Variants in ARHGEF10 observed in about 807,000 individuals in gnomAD.
ARHGEF10 encodes Rho guanine nucleotide exchange factor 10.
Under a neutral mutation model 147.4 loss-of-function variants are expected in ARHGEF10, and 140 were observed. That is an observed-to-expected ratio of 0.95 (90% CI 0.83 to 1.09). The LOEUF (loss-of-function observed/expected upper bound fraction) is 1.09. Among genes scored for constraint, ARHGEF10 ranks in the 50% least tolerant of loss-of-function variants. The pLI is 0.00. For missense variants in ARHGEF10, 2,222 were observed against 1,752.7 expected (o/e 1.27, Z -4.78); for synonymous variants, 902 against 695.8 (o/e 1.30, Z -4.67).
At chr8:1,889,119 G>A in intron 11 of ARHGEF10, among the ~76,000 whole-genome samples, 2 of 85,874 alleles carry the variant, frequency 2.3e-5, no homozygotes, top group African/African-American at 1.0e-4. Context: ...TGAGGGGTCT[G>A]TGAGGAGACA....
intron 1 of ARHGEF10, among the ~76,000 whole-genome samples, chr8:1,840,547 G>A (rs1397396436): frequency 2.0e-5 from 3 of 149,996 alleles, no homozygotes; most frequent in Non-Finnish European, 3.0e-5. Context: ...ACTGTCCGGT[G>A]TGGAAGCTGT....
chr8:1,909,320 A>T lies in ARHGEF10; in HGVS notation c.1993A>T (p.Ser665Cys). ...SRPSHDSRVM[S>C]SQRYLLKWSV... ...CCCCTCTCATGACAGCCGTGTGATG[A>T]GCAGCCAGAGGTACTTGCTGAAGTG... The change falls in exon 18 of 29, where the codon AGC becomes TGC. Residue 665 changes from serine to cysteine, a missense_variant. By Grantham distance (112) the Ser-to-Cys change is moderately radical. Coordinates refer to ENST00000349830, the MANE Select transcript of ARHGEF10 (RefSeq NM_014629.4). 6.2e-7 allele frequency: 1 copy of T among 1,614,214 alleles called. No homozygotes were observed. The highest frequency in any genetic ancestry group is 8.5e-7 in the Non-Finnish European group (1 of 1,180,046).
At chr8:1,848,315 C>T (rs974766879) in intron 2 of ARHGEF10, among the ~76,000 whole-genome samples, 1 of 152,164 alleles carries the variant, frequency 6.6e-6, no homozygotes, top group Admixed American at 6.5e-5. Flanking sequence ...GGGATTCTTT[C>T]CATTCTGTGA....
chr8:1,952,222 A>G (rs895601175), intron 27 of ARHGEF10, among the ~76,000 whole-genome samples: 3 of 152,116 alleles, frequency 2.0e-5, no homozygotes, highest in Non-Finnish European at 4.4e-5. Flanking sequence ...GTTCCCCTCT[A>G]GGGTCCAACT....
rs1310682122 is a variant in ARHGEF10, at chr8:1,895,933, G to T, written c.1441-400G>T. ...CCCCCATTTCTAGGGTGTGGTTGAGGCCTGTTTCTCAGGATATTGGGCCCA... is the reference window on the plus strand; with the variant it reads ...CCCCCATTTCTAGGGTGTGGTTGAGTCCTGTTTCTCAGGATATTGGGCCCA... On this transcript the variant is annotated intron_variant, in intron 13 of 28. Coordinates refer to ENST00000349830, the MANE Select transcript of ARHGEF10 (RefSeq NM_014629.4). 2.0e-5 allele frequency among the ~76,000 whole-genome samples: 3 copies of T among 152,148 alleles called. No homozygotes were observed. The East Asian group carries it at 5.8e-4, about 29-fold the overall frequency.
rs527555011 is a variant in ARHGEF10 at position 1,863,052 on chromosome 8, G to C, written c.482-1321G>C. On this transcript the variant is annotated intron_variant, in intron 4 of 28. Coordinates refer to ENST00000349830, the MANE Select transcript of ARHGEF10 (RefSeq NM_014629.4). The stretch of plus-strand genomic sequence containing the variant: ...CCCGCCTCAGCCTCCGAAAGTGCTG[G>C]GATTACAGGCATGAGCCACCGCGGC... 6.5e-3 allele frequency among the ~76,000 whole-genome samples: 988 copies of C among 152,154 alleles called. 6 individuals are homozygous for C. The highest frequency in any genetic ancestry group is 0.015 in the Admixed American group (231 of 15,292).
At chr8:1,917,522 T>C (rs937033661) in intron 18 of ARHGEF10, among the ~76,000 whole-genome samples, 4 of 152,180 alleles carry the variant, frequency 2.6e-5, no homozygotes, top group African/African-American at 9.7e-5. Flanking sequence ...CTTCCTTGTT[T>C]GCCGCACAAA....
At position 1,955,489 on chromosome 8, in the gene ARHGEF10, T is replaced by C. The variant is rs373498477; in HGVS notation, c.3521-1260T>C. On this transcript the variant is annotated intron_variant, in intron 28 of 28. Coordinates refer to ENST00000349830, the MANE Select transcript of ARHGEF10 (RefSeq NM_014629.4). ...TAGCTAGGAGCATCCTGAAAGGAAG[T>C]GCACTCTCACTGTTTCTCTGGATGG... Among the ~76,000 whole-genome samples, 18 of 148,042 alleles carry C rather than the reference T, an allele frequency of 1.2e-4. No homozygotes were observed. The East Asian group carries it at 3.6e-3, about 30-fold the overall frequency.
intron 2 of ARHGEF10, among the ~76,000 whole-genome samples, chr8:1,856,263 A>T (rs1190841122): frequency 6.6e-6 from 1 of 152,206 alleles, no homozygotes; most frequent in Non-Finnish European, 1.5e-5. Flanking sequence ...AGTATTTGTC[A>T]TTCTCATACT....
chr8:1,896,486 A>G (rs1174009984), intron 14 of ARHGEF10, 37 bp downstream of exon 14: 5 of 1,387,704 alleles, frequency 3.6e-6, no homozygotes, highest in African/African-American at 1.4e-5. Context: ...TTTTAACACC[A>G]TCTGATAACA....
intron 2 of ARHGEF10, among the ~76,000 whole-genome samples, chr8:1,855,960 G>A (rs1305751330): frequency 1.3e-5 from 2 of 151,286 alleles, no homozygotes; most frequent in African/African-American, 4.9e-5. Flanking sequence ...GTTTACGGTC[G>A]CTTGGGAGAC....
intron 11 of ARHGEF10, among the ~76,000 whole-genome samples, chr8:1,890,302 C>T (rs1261648454): frequency 7.1e-6 from 1 of 140,556 alleles, no homozygotes; most frequent in Admixed American, 7.1e-5. Flanking sequence ...TCTGAGGAGA[C>T]ACTGATGGGG....
intron 23 of ARHGEF10, 185 bp downstream of exon 23, chr8:1,926,648 T>A: frequency 1.5e-6 from 1 of 664,032 alleles, no homozygotes; most frequent in Admixed American, 2.4e-5. Context: ...GATTTACAGT[T>A]CTTAGGAATG....
intron 7 of ARHGEF10, among the ~76,000 whole-genome samples, chr8:1,873,424 A>G (rs73180726): frequency 0.14 from 16,997 of 117,302 alleles, 1,526 homozygotes; most frequent in South Asian, 0.22. Flanking sequence ...ATCAAGTTGC[A>G]TTGAGAGGAG....
chr8:1,947,718 A>G (rs1448451957), intron 27 of ARHGEF10, among the ~76,000 whole-genome samples: 42 of 78,508 alleles, frequency 5.3e-4, no homozygotes, highest in African/African-American at 1.9e-3. Flanking sequence ...CCAGCATCCC[A>G]CCCACTGTCA....
intron 17 of ARHGEF10, among the ~76,000 whole-genome samples, chr8:1,908,473 C>A (rs1181135947): frequency 2.0e-5 from 3 of 152,168 alleles, no homozygotes; most frequent in African/African-American, 7.2e-5. Context: ...ACCTTGTGAT[C>A]TGCCTGCCTT....
intron 2 of ARHGEF10, among the ~76,000 whole-genome samples, chr8:1,852,832 C>T (rs899900589): frequency 3.3e-5 from 5 of 152,198 alleles, no homozygotes; most frequent in African/African-American, 9.7e-5. Context: ...CCTGCTGTGA[C>T]GGAAACAGTC....
At chr8:1,827,144 G>A (rs1802818342) in intron 1 of ARHGEF10, among the ~76,000 whole-genome samples, 1 of 152,160 alleles carries the variant, frequency 6.6e-6, no homozygotes, top group South Asian at 2.1e-4. Flanking sequence ...GTGGCAAAGG[G>A]GCCCAGGGAG....
intron 2 of ARHGEF10, among the ~76,000 whole-genome samples, chr8:1,850,023 TGC>T (rs1563173800): frequency 2.7e-5 from 1 of 36,394 alleles, no homozygotes; most frequent in African/African-American, 1.0e-4. Flanking sequence ...GTGGGCCGGC[TGC>T]ATGGACACAG....
Sources: allele counts gnomAD v4.1 joint callset (sites outside exome capture counted in the v4.1 genomes callset), GRCh38; gene constraint gnomAD v4.1.1; transcripts MANE v1.5; gene names NCBI Gene and HGNC (gene_info 2026-07-23, HGNC 2026-07-21).